The following MTRR variants were observed in gnomAD, a reference collection of about 807,000 sequenced individuals.
MTRR encodes the protein methionine synthase reductase.
A neutral mutation model predicts 79.2 loss-of-function variants in MTRR; 63 were observed. The ratio of observed to expected loss-of-function variants is 0.80; its 90% CI spans 0.65 to 0.98. MTRR has a LOEUF of 0.98. Among genes scored for constraint, MTRR ranks in the 50% least tolerant of loss-of-function variants. The pLI is 0.00. For synonymous variants in MTRR, 355 were observed against 313.3 expected, an observed-to-expected ratio of 1.13 and a Z score of -1.41; for missense variants, 895 against 839.6, an observed-to-expected ratio of 1.07 and a Z score of -0.82.
At chr5:7,861,325 T>C (rs1746515264) in intron 1 of MTRR, 1 of 971,076 alleles carries the variant, frequency 1.0e-6, no homozygotes, top group Non-Finnish European at 1.5e-6. Context: ...ATTTATTATA[T>C]ATTTTAGTTG....
At chr5:7,862,334 C>A (rs535701707) in intron 2 of MTRR, among the ~76,000 whole-genome samples, 1 of 152,156 alleles carries the variant, frequency 6.6e-6, no homozygotes, top group East Asian at 1.9e-4. Context: ...TCCAATTTGG[C>A]AGCCATGAGC....
chr5:7,869,226 T>A lies in MTRR; in HGVS notation c.-26+11T>A. 2 of 1,604,350 alleles carry A rather than the reference T, an allele frequency of 1.2e-6. No individual in the cohort carries two copies. The highest frequency in any genetic ancestry group is 2.2e-5 in the South Asian group (2 of 91,070). On this transcript the variant is annotated intron_variant, in intron 1 of 14. Transcript: ENST00000440940. Reference sequence around the variant, plus strand: ...GCTGGCGCGGCGTGGGTAAGCTGCCTGTCGGCTACGGTTCCCGGATTCCGG... The same window carrying A: ...GCTGGCGCGGCGTGGGTAAGCTGCCAGTCGGCTACGGTTCCCGGATTCCGG...
At chr5:7,878,766 T>C (rs891318447) in intron 5 of MTRR, among the ~76,000 whole-genome samples, 2 of 152,244 alleles carry the variant, frequency 1.3e-5, no homozygotes, top group Admixed American at 6.5e-5. Flanking sequence ...GAGTATCACA[T>C]TGCATAATAG....
chr5:7,893,148 G>C (rs996212255), intron 11 of MTRR: 12 of 553,190 alleles, frequency 2.2e-5, no homozygotes, highest in Non-Finnish European at 3.5e-5. Flanking sequence ...TACGGTCTTT[G>C]CTTGTCCTAT....
At chr5:7,870,220 G>C in intron 1 of MTRR, 1 of 269,688 alleles carries the variant, frequency 3.7e-6, no homozygotes, top group Non-Finnish European at 5.8e-6. Flanking sequence ...GAGAGTATGT[G>C]CTTCAGTTAC....
upstream of MTRR, chr5:7,868,009 T>C (rs1747155649): frequency 6.2e-7 from 1 of 1,613,928 alleles, no homozygotes; most frequent in Non-Finnish European, 8.5e-7. Flanking sequence ...GTTTATTTTT[T>C]AAAGCAGCCA....
chr5:7,883,490 CTTGGT>C (rs1735919447), intron 6 of MTRR, among the ~76,000 whole-genome samples: 1 of 135,256 alleles, frequency 7.4e-6, no homozygotes, highest in Admixed American at 7.9e-5. Context: ...TTGTGTGGTG[CTTGGT>C]TACATATGCT....
intron 1 of MTRR, among the ~76,000 whole-genome samples, chr5:7,860,301 A>T (rs1746444208): frequency 6.6e-6 from 1 of 152,202 alleles, no homozygotes; most frequent in Non-Finnish European, 1.5e-5. Flanking sequence ...GCTCATTCTC[A>T]CGCACTGCTG....
intron 6 of MTRR, among the ~76,000 whole-genome samples, chr5:7,884,399 A>G (rs1051816343): frequency 3.3e-5 from 5 of 152,202 alleles, no homozygotes; most frequent in East Asian, 1.9e-4. Context: ...TATATAATCT[A>G]TGCACATCCT....
At chr5:7,853,365 T>C (rs1189408935) in intron 1 of MTRR, among the ~76,000 whole-genome samples, 2 of 152,228 alleles carry the variant, frequency 1.3e-5, no homozygotes, top group Admixed American at 6.5e-5. Context: ...ACCCCAGCCA[T>C]ACTGAACTGT....
chr5:7,900,890 G>C lies in MTRR; in HGVS notation c.*832G>C, dbSNP rs963057646. 16 of 151,966 alleles carry C rather than the reference G, an allele frequency of 1.1e-4. No individual in the cohort carries two copies. The highest frequency in any genetic ancestry group is 3.9e-4 in the African/African-American group (16 of 41,376). The allele number at this position is 151,966 out of a possible 1,614,324, so 9.4% of individuals were successfully genotyped here. On this transcript the variant is annotated 3_prime_UTR_variant, in exon 15 of 15. Transcript: ENST00000440940. ...TTGTCTCCATGATACCACTCAAGCA[G>C]TGTGCTGGACCTAAAATACTGACTT...
chr5:7,897,533 A>G (rs528697093), intron 14 of MTRR, among the ~76,000 whole-genome samples: 9 of 152,310 alleles, frequency 5.9e-5, no homozygotes, highest in East Asian at 5.8e-4. Flanking sequence ...ATGTTACTAC[A>G]TTAATCATGT....
chr5:7,856,314 G>C (rs1489737587), intron 1 of MTRR, among the ~76,000 whole-genome samples: 1 of 152,070 alleles, frequency 6.6e-6, no homozygotes, highest in Non-Finnish European at 1.5e-5. Context: ...AACAACAAAG[G>C]CTTTAGAGAA....
intron 5 of MTRR, among the ~76,000 whole-genome samples, chr5:7,882,818 C>T (rs1735783739): frequency 6.6e-6 from 1 of 152,214 alleles, no homozygotes; most frequent in Non-Finnish European, 1.5e-5. Context: ...TCACATTCTT[C>T]AAGATCTCTC....
At chr5:7,867,293 T>C (rs756188535), upstream of MTRR, 28 of 1,613,668 alleles carry the variant, frequency 1.7e-5, no homozygotes, top group Admixed American at 3.3e-5. Flanking sequence ...AGTACATGCC[T>C]GCAAGATTCT....
At position 7,900,460 on chromosome 5, in the gene MTRR, A is replaced by G. The variant is rs191102075; in HGVS notation, c.*402A>G. ...TTACAGTGCCAACATTTAAAAAAGT[A>G]TGAAAATGATTTATTTTTATATGAT... On this transcript the variant is annotated 3_prime_UTR_variant, in exon 15 of 15. Coordinates refer to ENST00000440940, the MANE Select transcript of MTRR (RefSeq NM_002454.3). 4 of 214,748 alleles carry G rather than the reference A, an allele frequency of 1.9e-5. No individual in the cohort carries two copies. In the East Asian group the frequency reaches 4.6e-4, roughly 25 times the overall value. 13.3% of individuals were successfully genotyped at this position (214,748 alleles called of 1,614,324 possible).
chr5:7,855,452 T>C (rs1209827910), intron 1 of MTRR, among the ~76,000 whole-genome samples: 1 of 149,720 alleles, frequency 6.7e-6, no homozygotes, highest in African/African-American at 2.5e-5. Context: ...AAAGAATAGA[T>C]GAAACATGAT....
intron 10 of MTRR, 64 bp downstream of exon 10, chr5:7,891,478 A>C: frequency 7.5e-7 from 1 of 1,326,570 alleles, no homozygotes; most frequent in Admixed American, 1.7e-5. Flanking sequence ...TCAGGCTTCC[A>C]GATCATTAGA....
Position 7,900,113 on chromosome 5 carries a change from C to A in MTRR, c.*55C>A. 1 of 1,595,394 alleles carries A rather than the reference C, an allele frequency of 6.3e-7. No homozygotes were observed. Among genetic ancestry groups the A allele is most frequent in the South Asian group, 1.1e-5 (1 of 87,418 alleles). On this transcript the variant is annotated 3_prime_UTR_variant, in exon 15 of 15. Transcript: ENST00000440940. ...TTTTTTGACTGAAAGTACTAAAAGT[C>A]AGCTTTACTAGTGCCAAACCTTTAA...
Sources: allele counts gnomAD v4.1 joint callset (sites outside exome capture counted in the v4.1 genomes callset), GRCh38; gene constraint gnomAD v4.1.1; transcripts MANE v1.5; gene names NCBI Gene and HGNC (gene_info 2026-07-23, HGNC 2026-07-21).